TMCO4: variants seen among roughly 807,000 people sequenced by gnomAD.
TMCO4 encodes transmembrane and coiled-coil domains 4.
TMCO4 carries 58 observed loss-of-function variants against 64.7 expected under a neutral mutation model. That is an observed-to-expected ratio of 0.90 (90% CI 0.73 to 1.12). TMCO4 has a LOEUF of 1.12. TMCO4 is among the 50% of genes most tolerant of loss of function. TMCO4 has a pLI of 0.00. For missense variants in TMCO4, 780 were observed against 825.9 expected (o/e 0.94, Z 0.68); for synonymous variants, 325 against 346.1 (o/e 0.94, Z 0.68).
At chr1:19,685,331 AAAAC>A (rs10638588) in intron 15 of TMCO4, among the ~76,000 whole-genome samples, 1 of 151,426 alleles carries the variant, frequency 6.6e-6, no homozygotes, top group East Asian at 1.9e-4. Context: ...GTCTCCAGAA[AAAAC>A]AAACAGACAA....
chr1:19,769,659 CAGA>C (rs2042894603), intron 6 of TMCO4, among the ~76,000 whole-genome samples: 1 of 152,132 alleles, frequency 6.6e-6, no homozygotes, highest in African/African-American at 2.4e-5. Context: ...GTTTAGAGAA[CAGA>C]AGAAGCCACT....
At chr1:19,794,397 G>A (rs2044203428) in intron 2 of TMCO4, among the ~76,000 whole-genome samples, 1 of 152,202 alleles carries the variant, frequency 6.6e-6, no homozygotes, top group Non-Finnish European at 1.5e-5. Context: ...AAGCACAGTG[G>A]GAACTCAGCA....
intron 7 of TMCO4, chr1:19,750,397 T>G (rs1464025199): frequency 6.6e-6 from 1 of 152,232 alleles, no homozygotes; most frequent in Non-Finnish European, 1.5e-5. Context: ...AAGAGGTGTT[T>G]GAGCTCAGCT....
At chr1:19,749,198 T>A (rs1379580853) in intron 7 of TMCO4, among the ~76,000 whole-genome samples, 1 of 152,222 alleles carries the variant, frequency 6.6e-6, no homozygotes, top group African/African-American at 2.4e-5. Flanking sequence ...TAGGCATGAA[T>A]CCTAGCTCTG....
chr1:19,751,524 G>A (rs552830908), intron 7 of TMCO4, among the ~76,000 whole-genome samples: 61 of 152,264 alleles, frequency 4.0e-4, no homozygotes, highest in African/African-American at 1.4e-3. Flanking sequence ...TTGAACCTGC[G>A]AGGTCAAGGC....
intron 15 of TMCO4, among the ~76,000 whole-genome samples, chr1:19,685,813 A>T (rs2095144409): frequency 1.4e-5 from 2 of 145,562 alleles, no homozygotes; most frequent in South Asian, 4.2e-4. Flanking sequence ...TCCTAGGTTC[A>T]TGCCATTCTC....
intron 2 of TMCO4, among the ~76,000 whole-genome samples, chr1:19,788,547 T>G (rs1006267703): frequency 2.6e-5 from 4 of 152,156 alleles, no homozygotes; most frequent in Non-Finnish European, 4.4e-5. Flanking sequence ...AAGTGTCGAT[T>G]TTGAGATCAG....
chr1:19,702,128 C>A (rs573653004), intron 13 of TMCO4, among the ~76,000 whole-genome samples: 1 of 152,186 alleles, frequency 6.6e-6, no homozygotes, highest in Admixed American at 6.5e-5. Context: ...CGCCACCACA[C>A]CCGGCTAATC....
chr1:19,767,271 TGA>T (rs1457829936), intron 6 of TMCO4, among the ~76,000 whole-genome samples: 5 of 152,110 alleles, frequency 3.3e-5, no homozygotes, highest in Non-Finnish European at 5.9e-5. Context: ...AGGATGGCTG[TGA>T]GGATGAAATG....
chr1:19,685,706 G>GTTCCTTT (rs2095141889), intron 15 of TMCO4, among the ~76,000 whole-genome samples: 1 of 49,840 alleles, frequency 2.0e-5, no homozygotes, highest in African/African-American at 8.0e-5. Context: ...ATCCAGGCCT[G>GTTCCTTT]TTTCTTTTTT....
At chr1:19,752,332 T>C (rs1004360621) in intron 7 of TMCO4, among the ~76,000 whole-genome samples, 1 of 152,186 alleles carries the variant, frequency 6.6e-6, no homozygotes, top group Non-Finnish European at 1.5e-5. Context: ...GTCACGGTCA[T>C]GCTGAAAAGG....
At chr1:19,780,343 G>T (rs772415504) in intron 4 of TMCO4, among the ~76,000 whole-genome samples, 3 of 152,168 alleles carry the variant, frequency 2.0e-5, no homozygotes, top group Non-Finnish European at 2.9e-5. Flanking sequence ...GGAGGCAGAG[G>T]TCAGGCAGTA....
rs1008442302 is a variant in TMCO4 at position 19,732,023 on chromosome 1, G to A, written c.1264+5349C>T. Among the ~76,000 whole-genome samples the A allele has an allele frequency of 1.3e-5, 2 of 152,210 alleles. No individual in the cohort carries two copies. The highest frequency in any genetic ancestry group is 2.4e-5 in the African/African-American group (1 of 41,460). Reference sequence around the variant, plus strand: ...TCCAGCTGGAGCTGCTGTGAAGGCCGGCATGGACAGCGGGGGTTTTAAACT... The same window carrying A: ...TCCAGCTGGAGCTGCTGTGAAGGCCAGCATGGACAGCGGGGGTTTTAAACT... On this transcript the variant is annotated intron_variant, in intron 13 of 15. Coordinates refer to ENST00000294543, the MANE Select transcript of TMCO4 (RefSeq NM_181719.7). The surrounding 1 kb of genome is among the most constrained non-coding windows in gnomAD (Gnocchi z 4.8).
chr1:19,720,482 T>C (rs1167455712), intron 13 of TMCO4, among the ~76,000 whole-genome samples: 4 of 152,122 alleles, frequency 2.6e-5, no homozygotes, highest in African/African-American at 7.2e-5. Flanking sequence ...CTGCCTCCCT[T>C]GCATTGGATC....
intron 6 of TMCO4, among the ~76,000 whole-genome samples, chr1:19,764,740 G>A (rs904300431): frequency 6.6e-6 from 1 of 151,336 alleles, no homozygotes; most frequent in African/African-American, 2.4e-5. Flanking sequence ...CTGTAATCCC[G>A]GCTAGTCGGG....
chr1:19,716,188 T>TTA (rs2095355342), intron 13 of TMCO4, among the ~76,000 whole-genome samples: 1 of 144,606 alleles, frequency 6.9e-6, no homozygotes, highest in Non-Finnish European at 1.5e-5. Flanking sequence ...TTATTATTAA[T>TTA]TTATTTATTT....
chr1:19,799,569 C>A (rs994752585), intron 1 of TMCO4, among the ~76,000 whole-genome samples: 1 of 152,250 alleles, frequency 6.6e-6, no homozygotes, highest in African/African-American at 2.4e-5. Flanking sequence ...CCGAGTGCTC[C>A]GCCCAGCCTC....
intron 12 of TMCO4, among the ~76,000 whole-genome samples, chr1:19,737,739 C>A (rs1038026759): frequency 2.0e-5 from 3 of 152,270 alleles, no homozygotes; most frequent in African/African-American, 7.2e-5. Flanking sequence ...TATCCAGCCA[C>A]CGTCTCATCT....
intron 7 of TMCO4, among the ~76,000 whole-genome samples, chr1:19,749,879 G>A (rs1329350847): frequency 7.9e-5 from 12 of 152,060 alleles, no homozygotes; most frequent in Admixed American, 1.3e-4. Context: ...ACTTATTTGG[G>A]GGTCACTTGT....
Sources: allele counts gnomAD v4.1 joint callset (sites outside exome capture counted in the v4.1 genomes callset), GRCh38; gene constraint gnomAD v4.1.1; non-coding constraint Gnocchi (gnomAD v3.1); transcripts MANE v1.5; gene names NCBI Gene and HGNC (gene_info 2026-07-23, HGNC 2026-07-21).